The following DISP1 variants were observed in gnomAD, a reference collection of about 807,000 sequenced individuals.
The protein encoded by DISP1 is protein dispatched homolog 1.
A neutral mutation model predicts 37.3 loss-of-function variants in DISP1; 30 were observed. That is an observed-to-expected ratio of 0.80 (90% CI 0.60 to 1.09). The LOEUF is 1.09. DISP1 is among the 50% of genes least tolerant of loss of function. The pLI is 0.00. For synonymous variants in DISP1, 634 were observed against 690.2 expected, an observed-to-expected ratio of 0.92 and a Z score of 1.28; for missense variants, 1,598 against 1,879.5, an observed-to-expected ratio of 0.85 and a Z score of 2.77.
chr1:222,942,288 GA>G (rs1674442591), intron 2 of DISP1, among the ~76,000 whole-genome samples: 1 of 152,016 alleles, frequency 6.6e-6, no homozygotes, highest in Admixed American at 6.5e-5. Context: ...TGACTAAGGG[GA>G]AAAATCATAT....
intron 1 of DISP1, among the ~76,000 whole-genome samples, chr1:222,851,267 T>C (rs1204797696): frequency 1.3e-5 from 2 of 152,074 alleles, no homozygotes; most frequent in Non-Finnish European, 2.9e-5. Flanking sequence ...AGTTTTGCCA[T>C]GTTGGCCAGG....
chr1:222,954,519 A>G (rs1675453049), intron 3 of DISP1, among the ~76,000 whole-genome samples: 1 of 152,230 alleles, frequency 6.6e-6, no homozygotes, highest in African/African-American at 2.4e-5. Context: ...AACAACAGCA[A>G]AAACCTCATG....
intron 1 of DISP1, among the ~76,000 whole-genome samples, chr1:222,884,993 C>G (rs559565039): frequency 6.6e-6 from 1 of 152,112 alleles, no homozygotes; most frequent in Non-Finnish European, 1.5e-5. Flanking sequence ...CCCGCCACTA[C>G]GCCCGGCTAA....
intron 1 of DISP1, among the ~76,000 whole-genome samples, chr1:222,822,544 A>G (rs1000353359): frequency 6.6e-6 from 1 of 152,210 alleles, no homozygotes; most frequent in Non-Finnish European, 1.5e-5. Flanking sequence ...TAAAGATGTA[A>G]TTATATAAAC....
At chr1:222,871,272 G>A (rs1669555349) in intron 1 of DISP1, among the ~76,000 whole-genome samples, 1 of 152,048 alleles carries the variant, frequency 6.6e-6, no homozygotes, top group Non-Finnish European at 1.5e-5. Context: ...TTGGCAATGT[G>A]GGCTCTTTTT....
chr1:222,937,430 A>G (rs1290923684), intron 2 of DISP1, among the ~76,000 whole-genome samples: 1 of 152,130 alleles, frequency 6.6e-6, no homozygotes, highest in African/African-American at 2.4e-5. Context: ...TGCGTTATGT[A>G]TTATACAAGA....
intron 1 of DISP1, among the ~76,000 whole-genome samples, chr1:222,826,721 TG>T (rs914359004): frequency 1.3e-5 from 2 of 152,148 alleles, no homozygotes; most frequent in African/African-American, 4.8e-5. Flanking sequence ...GATTTGTGGT[TG>T]TTTGGTATTG....
intron 1 of DISP1, among the ~76,000 whole-genome samples, chr1:222,852,727 T>A (rs1668336600): frequency 6.6e-6 from 1 of 152,228 alleles, no homozygotes; most frequent in African/African-American, 2.4e-5. Context: ...TACCAATTTT[T>A]AAGACCTTGG....
intron 1 of DISP1, among the ~76,000 whole-genome samples, chr1:222,874,591 C>T (rs1056966934): frequency 3.3e-4 from 50 of 152,176 alleles, no homozygotes; most frequent in African/African-American, 1.1e-3. Flanking sequence ...AGTTCTCGTG[C>T]CTTGGTTTTC....
At chr1:222,881,127 G>A (rs1488912211) in intron 1 of DISP1, among the ~76,000 whole-genome samples, 1 of 152,136 alleles carries the variant, frequency 6.6e-6, no homozygotes, top group Non-Finnish European at 1.5e-5. Context: ...TTTTTAATTT[G>A]TTTGACCTTG....
At chr1:222,966,716 T>C (rs1676519332) in intron 3 of DISP1, among the ~76,000 whole-genome samples, 1 of 152,144 alleles carries the variant, frequency 6.6e-6, no homozygotes, top group African/African-American at 2.4e-5. Context: ...CTGGGAAAAG[T>C]TGTATATTGT....
chr1:222,881,440 C>T (rs1333540003), intron 1 of DISP1, among the ~76,000 whole-genome samples: 1 of 152,206 alleles, frequency 6.6e-6, no homozygotes, highest in Non-Finnish European at 1.5e-5. Context: ...AGGTGATCCA[C>T]CCGCTTCGGC....
At chr1:222,897,923 G>A (rs945592186) in intron 1 of DISP1, among the ~76,000 whole-genome samples, 2 of 152,044 alleles carry the variant, frequency 1.3e-5, no homozygotes, top group African/African-American at 2.4e-5. Flanking sequence ...ATTCCCCATC[G>A]AATCTGAATC....
intron 1 of DISP1, among the ~76,000 whole-genome samples, chr1:222,883,768 C>T (rs1371817002): frequency 6.6e-6 from 1 of 152,166 alleles, no homozygotes; most frequent in Admixed American, 6.5e-5. Flanking sequence ...ATATACTAGG[C>T]TCTGGAAGTG....
intron 1 of DISP1, among the ~76,000 whole-genome samples, chr1:222,928,191 T>G (rs933217366): frequency 6.6e-6 from 1 of 152,254 alleles, no homozygotes; most frequent in African/African-American, 2.4e-5. Context: ...CAGTCCTTCA[T>G]GCAGTTTCCC....
intron 3 of DISP1, among the ~76,000 whole-genome samples, chr1:222,963,831 A>T (rs1012692768): frequency 2.0e-5 from 3 of 152,282 alleles, no homozygotes; most frequent in Middle Eastern, 3.4e-3. Context: ...ACCATGGCAC[A>T]TGTATACCTA....
intron 3 of DISP1, among the ~76,000 whole-genome samples, chr1:222,948,180 A>G (rs1287394224): frequency 6.6e-6 from 1 of 152,242 alleles, no homozygotes; most frequent in Non-Finnish European, 1.5e-5. Flanking sequence ...TGAAAGTGTG[A>G]TGTCCCTTGA....
At chr1:222,910,093 G>A (rs1226125675) in intron 1 of DISP1, among the ~76,000 whole-genome samples, 2 of 152,186 alleles carry the variant, frequency 1.3e-5, no homozygotes, top group Admixed American at 1.3e-4. Context: ...GGCTGGCGCG[G>A]TGGCTCACAC....
chr1:222,989,458 G>A, intron 4 of DISP1: 9 of 985,436 alleles, frequency 9.1e-6, no homozygotes, highest in Non-Finnish European at 9.6e-6. Flanking sequence ...ACTTGGAAGT[G>A]CCAAAATAAT....
Sources: gnomAD v4.1 joint callset for allele counts (sites outside exome capture counted in the v4.1 genomes callset) on GRCh38, gnomAD v4.1.1 for gene constraint, MANE v1.5 for transcripts, NCBI Gene and HGNC (gene_info 2026-07-23, HGNC 2026-07-21) for gene names.